CROT: variants seen among roughly 807,000 people sequenced by gnomAD.
The protein encoded by CROT is carnitine O-octanoyltransferase, also known as peroxisomal carnitine O-octanoyltransferase.
Under a neutral mutation model 89.2 loss-of-function variants are expected in CROT, and 84 were observed. The ratio of observed to expected loss-of-function variants is 0.94; its 90% CI spans 0.79 to 1.13. CROT has a LOEUF of 1.13. CROT is among the 50% of genes most tolerant of loss of function. CROT has a pLI of 0.00. For synonymous variants in CROT, 212 were observed against 239.5 expected (o/e 0.89, Z 1.06); for missense variants, 711 against 727.8 (o/e 0.98, Z 0.27).
intron 1 of CROT, 75 bp downstream of exon 1, chr7:87,345,842 C>CAGGGATAAGT: frequency 5.5e-6 from 1 of 181,038 alleles, no homozygotes; most frequent in Non-Finnish European, 1.1e-5. Flanking sequence ...TCGTGCAGAA[C>CAGGGATAAGT]CGCAAAGGTG....
chr7:87,387,785 C>G (rs908388018), intron 13 of CROT, among the ~76,000 whole-genome samples: 2 of 152,108 alleles, frequency 1.3e-5, no homozygotes, highest in African/African-American at 4.8e-5. Flanking sequence ...AACCCCATCT[C>G]TATGGAAAAT....
rs759100033 is a variant in CROT at position 87,375,928 on chromosome 7, A to G, written c.851A>G (p.His284Arg). The change falls in exon 9 of 18, where the codon CAT (histidine) becomes CGT (arginine). Residue 284 changes from histidine to arginine, a missense_variant. His to Arg is a conservative substitution (Grantham distance 29). Coordinates refer to ENST00000331536, the MANE Select transcript of CROT (RefSeq NM_021151.4). ...LVYSMEDSSP[H>R]VTPEDYSEII... is the part of the protein sequence containing the mutation. Reference sequence around the variant, plus strand: ...TATTCCATGGAGGATAGCAGTCCACATGTAACACCAGAGGATTATTCTGAG... The same window carrying G: ...TATTCCATGGAGGATAGCAGTCCACGTGTAACACCAGAGGATTATTCTGAG... 34 of 1,611,336 alleles carry G rather than the reference A, an allele frequency of 2.1e-5. No individual in the cohort carries two copies. The highest frequency in any genetic ancestry group is 2.7e-5 in the African/African-American group (2 of 74,740).
intron 10 of CROT, among the ~76,000 whole-genome samples, chr7:87,379,661 A>G (rs1806928920): frequency 6.6e-6 from 1 of 152,236 alleles, no homozygotes; most frequent in African/African-American, 2.4e-5. Flanking sequence ...TAGTGTGCGG[A>G]CATGTTTTAT....
Position 87,360,004 on chromosome 7 carries a change from T to G in CROT, c.240+674T>G, listed in dbSNP as rs572424908. 7.1e-6 allele frequency: 7 copies of G among 982,048 alleles called. No homozygotes were observed. The South Asian group carries it at 3.3e-4, about 46-fold the overall frequency. The allele number at this position is 982,048 out of a possible 1,614,324, so 60.8% of individuals were successfully genotyped here. A position where few individuals can be genotyped will look rare whatever the true frequency, so the allele number is the denominator to read the frequency against. ...AAATAAAAAGCAAGCTGATTTTTTT[T>G]GATGAACCATTTATATCTGTGATGG... On this transcript the variant is annotated intron_variant, in intron 4 of 17. Transcript: ENST00000331536.
At chr7:87,395,833 T>C (rs954724857) in intron 17 of CROT, among the ~76,000 whole-genome samples, 1 of 151,912 alleles carries the variant, frequency 6.6e-6, no homozygotes, top group African/African-American at 2.4e-5. Context: ...AGATCGGGGG[T>C]TATAAGGACC....
intron 3 of CROT, among the ~76,000 whole-genome samples, chr7:87,353,644 C>A (rs1215452446): frequency 6.6e-6 from 1 of 152,182 alleles, no homozygotes; most frequent in Non-Finnish European, 1.5e-5. Context: ...TCCTCAGGAA[C>A]CTTACAATCA....
intron 13 of CROT, 118 bp from the exon 14 acceptor site, chr7:87,391,471 C>G (rs80069206): frequency 5.8e-5 from 53 of 916,866 alleles, no homozygotes; most frequent in Non-Finnish European, 8.3e-5. Flanking sequence ...AGTCTCCAAC[C>G]TATCTGTGTT....
rs577139332 is a variant in CROT at position 87,373,107 on chromosome 7, C to G, written c.657-2525C>G. ...GGGTTCCAGTTTCTCCACATCTTCA[C>G]CAACACTTATTGTCTGCCTTTTTTA... is the stretch of plus-strand genomic sequence containing the variant. On this transcript the variant is annotated intron_variant, in intron 7 of 17. Coordinates refer to ENST00000331536, the MANE Select transcript of CROT (RefSeq NM_021151.4). 2.6e-5 allele frequency among the ~76,000 whole-genome samples: 4 copies of G among 152,160 alleles called. No homozygotes were observed. In the South Asian group the frequency reaches 8.3e-4, roughly 32 times the overall value.
chr7:87,392,647 A>G lies in CROT; in HGVS notation c.1504+3A>G, dbSNP rs773984217. ...GAAAGATTGTTCAGCTGGAAAAGGTACTTAAGTTAAAATTTTTCTGACTTA... is the reference window on the plus strand; with the variant it reads ...GAAAGATTGTTCAGCTGGAAAAGGTGCTTAAGTTAAAATTTTTCTGACTTA... On this transcript the variant is annotated splice_donor_region_variant and intron_variant, in intron 15 of 17. Transcript: ENST00000331536. 2.5e-6 allele frequency: 4 copies of G among 1,612,220 alleles called. No homozygotes were observed. The highest frequency in any genetic ancestry group is 3.4e-6 in the Non-Finnish European group (4 of 1,178,938).
chr7:87,368,242 G>T (rs145820045), intron 6 of CROT, among the ~76,000 whole-genome samples: 5 of 152,216 alleles, frequency 3.3e-5, no homozygotes, highest in South Asian at 2.1e-4. Flanking sequence ...TCAAATATCC[G>T]CCAGGTTTAT....
chr7:87,349,511 T>C (rs1313581370), intron 3 of CROT, among the ~76,000 whole-genome samples: 1 of 152,198 alleles, frequency 6.6e-6, no homozygotes, highest in Non-Finnish European at 1.5e-5. Context: ...ATTCTGTTGA[T>C]TTAAAGAAAA....
intron 6 of CROT, among the ~76,000 whole-genome samples, chr7:87,364,301 A>G (rs533828339): frequency 2.9e-4 from 44 of 152,290 alleles, no homozygotes; most frequent in African/African-American, 1.0e-3. Flanking sequence ...CACAGGTTCA[A>G]TACTGTATTT....
rs1807021568 is a variant in CROT at position 87,381,947 on chromosome 7, G to T, written c.1016G>T (p.Ser339Ile). The T allele has an allele frequency of 6.2e-7, 1 of 1,611,030 alleles. No homozygotes were observed. Among genetic ancestry groups the T allele is most frequent in the African/African-American group, 1.3e-5 (1 of 74,844 alleles). Residue 339 changes from serine to isoleucine, a missense_variant, in exon 11 of 18, where the codon AGT becomes ATT. Ser to Ile is a moderately radical substitution (Grantham distance 142). Coordinates refer to ENST00000331536, the MANE Select transcript of CROT (RefSeq NM_021151.4). ...PFDAMIMVNISYYVDEKIFQN... is the reference protein window; with the variant it reads ...PFDAMIMVNIIYYVDEKIFQN... ...GATGCAATGATTATGGTGAACATCAGTTATTATGTGGATGAGAAAATTTTT... is the reference window on the plus strand; with the variant it reads ...GATGCAATGATTATGGTGAACATCATTTATTATGTGGATGAGAAAATTTTT...
At chr7:87,392,704 A>T in intron 15 of CROT, 26 bp from the exon 16 acceptor site, 5 of 1,611,518 alleles carry the variant, frequency 3.1e-6, no homozygotes, top group Non-Finnish European at 4.2e-6. Flanking sequence ...TTTTTTTCTA[A>T]CCTGAGATTT....
At chr7:87,376,841 A>G (rs964192215) in intron 9 of CROT, among the ~76,000 whole-genome samples, 3 of 152,142 alleles carry the variant, frequency 2.0e-5, no homozygotes, top group Non-Finnish European at 4.4e-5. Context: ...TCTGTGAGGT[A>G]CACTGATATT....
In CROT at chr7:87,399,569, C is replaced by G. The variant is rs762857810; in HGVS notation, c.*925C>G. ...ATACCCTCTATTACACACATAAAACCGTAACAAAATTCATTGTGGTGTATT... is the reference window on the plus strand; with the variant it reads ...ATACCCTCTATTACACACATAAAACGGTAACAAAATTCATTGTGGTGTATT... On this transcript the variant is annotated 3_prime_UTR_variant, in exon 18 of 18. Transcript: ENST00000331536. 3 of 152,056 alleles carry G rather than the reference C, an allele frequency of 2.0e-5. No individual in the cohort carries two copies. The highest frequency in any genetic ancestry group is 2.9e-5 in the Non-Finnish European group (2 of 68,008). The allele number at this position is 152,056 out of a possible 1,614,324, so 9.4% of individuals were successfully genotyped here. A position where few individuals can be genotyped will look rare whatever the true frequency, so the allele number is the denominator to read the frequency against.
intron 6 of CROT, among the ~76,000 whole-genome samples, chr7:87,363,887 A>G (rs1377729820): frequency 6.6e-6 from 1 of 152,082 alleles, no homozygotes; most frequent in Non-Finnish European, 1.5e-5. Flanking sequence ...TATACTCTGG[A>G]TGTATTTTGG....
At chr7:87,364,306 G>A (rs1207983950) in intron 6 of CROT, among the ~76,000 whole-genome samples, 3 of 152,156 alleles carry the variant, frequency 2.0e-5, no homozygotes, top group South Asian at 4.1e-4. Context: ...GTTCAATACT[G>A]TATTTTCCAA....
intron 6 of CROT, among the ~76,000 whole-genome samples, chr7:87,365,469 G>A (rs559816755): frequency 2.0e-5 from 3 of 150,822 alleles, no homozygotes; most frequent in African/African-American, 4.9e-5. Flanking sequence ...CGGCCTGGGC[G>A]GCAGAGTGAG....
Sources: gnomAD v4.1 joint callset for allele counts (sites outside exome capture counted in the v4.1 genomes callset) on GRCh38, gnomAD v4.1.1 for gene constraint, MANE v1.5 for transcripts, NCBI Gene and HGNC (gene_info 2026-07-23, HGNC 2026-07-21) for gene names.